ARFGEF1: variants seen among roughly 807,000 people sequenced by gnomAD.
ARFGEF1 encodes the protein ARF guanine nucleotide exchange factor 1, also known as brefeldin A-inhibited guanine nucleotide-exchange protein 1.
In ARFGEF1, 42 loss-of-function variants were observed where a neutral mutation model predicts 231.0. The ratio of observed to expected loss-of-function variants is 0.18; its 90% CI spans 0.14 to 0.24. The LOEUF (loss-of-function observed/expected upper bound fraction) is 0.24. Ranked by LOEUF, ARFGEF1 falls within the 10% of genes least tolerant of loss-of-function variation. The pLI, the probability that ARFGEF1 is intolerant of heterozygous loss-of-function variation, is 1.00. For synonymous variants in ARFGEF1, 710 were observed against 732.3 expected (o/e 0.97, Z 0.49); for missense variants, 1,345 against 2,192.0 (o/e 0.61, Z 7.72).
rs548357313 is a variant in ARFGEF1 at position 67,188,902 on chromosome 8, TC to T, written c.560+11493del. On this transcript the variant is annotated intron_variant, in intron 5 of 5. Coordinates refer to the ARFGEF1 transcript ENST00000518789. Reference sequence around the variant, plus strand: ...ACGGCTTCTAATAGAGCTTTAACATTCACCGCATGGCCCAAGATTCCATTCC... The same window carrying T: ...ACGGCTTCTAATAGAGCTTTAACATTACCGCATGGCCCAAGATTCCATTCC... 6.8e-4 allele frequency among the ~76,000 whole-genome samples: 104 copies of T among 152,292 alleles called. No individual in the cohort carries two copies. The South Asian group carries it at 7.2e-3, about 11-fold the overall frequency.
intron 1 of ARFGEF1, among the ~76,000 whole-genome samples, chr8:67,320,787 C>A (rs1807552686): frequency 6.6e-6 from 1 of 151,594 alleles, no homozygotes. Flanking sequence ...CATGGTGAAA[C>A]CCCGTCTCTA....
At position 67,234,552 on chromosome 8, in the gene ARFGEF1, T is replaced by C. The variant is rs1022593708; in HGVS notation, c.3290-1607A>G. ...AACTGTACATCATGTTTTCACATAC[T>C]TGGTAGTATAGCCATAATGAAGGAT... On this transcript the variant is annotated intron_variant, in intron 22 of 38. Transcript: ENST00000262215. 2.0e-5 allele frequency among the ~76,000 whole-genome samples: 3 copies of C among 152,096 alleles called. No individual in the cohort carries two copies. In the South Asian group the frequency reaches 6.2e-4, roughly 31 times the overall value.
downstream of ARFGEF1, among the ~76,000 whole-genome samples, chr8:67,196,417 G>C (rs1837949784): frequency 6.6e-6 from 1 of 152,126 alleles, no homozygotes; most frequent in South Asian, 2.1e-4. Context: ...TAATCACTCA[G>C]TAAGTGATAC....
At chr8:67,310,498 G>C (rs542008745) in intron 1 of ARFGEF1, among the ~76,000 whole-genome samples, 2,463 of 152,282 alleles carry the variant, frequency 0.016, 72 homozygotes, top group African/African-American at 0.057. Flanking sequence ...GCCGAGATTG[G>C]AGCCTCTGCC....
In ARFGEF1 at chr8:67,228,642, T is replaced by C. The variant is rs151259529; in HGVS notation, c.3381-378A>G. 6.4e-3 allele frequency among the ~76,000 whole-genome samples: 975 copies of C among 152,210 alleles called. 7 individuals carry two copies. The highest frequency in any genetic ancestry group is 0.022 in the African/African-American group (935 of 41,560). On this transcript the variant is annotated intron_variant, in intron 23 of 38. Coordinates refer to ENST00000262215, the MANE Select transcript of ARFGEF1 (RefSeq NM_006421.5). ...TGATTATTGTCTAGCATTAAGCAAG[T>C]TCTTAAAATGAAAAATTTGACGTAT... is the stretch of plus-strand genomic sequence containing the variant.
chr8:67,341,425 C>CAAAAAAAAAAA (rs1186065653), intron 1 of ARFGEF1, among the ~76,000 whole-genome samples: 1 of 87,946 alleles, frequency 1.1e-5, no homozygotes. Flanking sequence ...CCATCTCCAC[C>CAAAAAAAAAAA]AAAAAAAAAA....
At position 67,280,794 on chromosome 8, in the gene ARFGEF1, C is replaced by T. The variant is rs552947557; in HGVS notation, c.1028-3337G>A. Among the ~76,000 whole-genome samples, 5 of 152,188 alleles carry T rather than the reference C, an allele frequency of 3.3e-5. No homozygotes were observed. In the South Asian group the frequency reaches 8.3e-4, roughly 25 times the overall value. On this transcript the variant is annotated intron_variant, in intron 7 of 38. Transcript: ENST00000262215. ...CCTCATGAATTTTGGAAAGGAAGGC[C>T]TCACAAGAAATAGAAAAAACATATA... is the stretch of plus-strand genomic sequence containing the variant.
intron 1 of ARFGEF1, among the ~76,000 whole-genome samples, chr8:67,313,164 G>A (rs1388153793): frequency 6.6e-6 from 1 of 152,212 alleles, no homozygotes; most frequent in Non-Finnish European, 1.5e-5. Context: ...GGGAGGCTGA[G>A]CCAGGAAGAT....
intron 34 of ARFGEF1, among the ~76,000 whole-genome samples, chr8:67,205,857 C>CAAAA (rs912690891): frequency 2.8e-5 from 4 of 141,884 alleles, no homozygotes; most frequent in East Asian, 4.0e-4. Context: ...GACTCCGTCT[C>CAAAA]AAAAAAATAA....
chr8:67,328,874 G>T (rs1029289602), intron 1 of ARFGEF1, among the ~76,000 whole-genome samples: 4 of 152,160 alleles, frequency 2.6e-5, no homozygotes, highest in African/African-American at 9.7e-5. Context: ...AATCCGGTAG[G>T]AAATTAACGT....
chr8:67,283,793 T>C (rs1023788140), intron 7 of ARFGEF1, among the ~76,000 whole-genome samples: 4 of 152,164 alleles, frequency 2.6e-5, no homozygotes, highest in African/African-American at 9.6e-5. Context: ...CTGAGATACA[T>C]TTCTCACCTA....
intron 23 of ARFGEF1, among the ~76,000 whole-genome samples, chr8:67,228,738 T>C (rs1587088692): frequency 1.3e-5 from 2 of 152,164 alleles, no homozygotes; most frequent in Admixed American, 1.3e-4. Context: ...ACCTTGCAAA[T>C]AGTCTCAGTT....
chr8:67,267,958 T>TGTA (rs1804917482), intron 10 of ARFGEF1, among the ~76,000 whole-genome samples: 3 of 152,200 alleles, frequency 2.0e-5, no homozygotes, highest in African/African-American at 7.2e-5. Flanking sequence ...AAATCTCTAC[T>TGTA]GTTTGAAAAC....
At chr8:67,271,051 G>GAAAAA (rs1407925313) in intron 10 of ARFGEF1, among the ~76,000 whole-genome samples, 2 of 100,788 alleles carry the variant, frequency 2.0e-5, no homozygotes, top group African/African-American at 3.8e-5. Context: ...AAAGGAAAAA[G>GAAAAA]AAAAAAAAAA....
chr8:67,194,564 A>G (rs541296807), downstream of ARFGEF1, among the ~76,000 whole-genome samples: 3 of 152,306 alleles, frequency 2.0e-5, no homozygotes, highest in African/African-American at 7.2e-5. Context: ...ATAGCATTTT[A>G]AGAATCTTTT....
At chr8:67,234,704 C>T (rs1172800005) in intron 22 of ARFGEF1, among the ~76,000 whole-genome samples, 1 of 151,992 alleles carries the variant, frequency 6.6e-6, no homozygotes, top group Non-Finnish European at 1.5e-5. Context: ...AACAGGGATC[C>T]GTTAGGTCTT....
Position 67,238,997 on chromosome 8 carries a change from T to C in ARFGEF1, c.2980-104A>G, listed in dbSNP as rs560403728. ...ACTTGTTCAGTAAGATTTTGTTTTT[T>C]TTTTTTTTAATTTATTTATTAATTT... is the stretch of plus-strand genomic sequence containing the variant. On this transcript the variant is annotated intron_variant, in intron 20 of 38. Coordinates refer to ENST00000262215, the MANE Select transcript of ARFGEF1 (RefSeq NM_006421.5). 45 of 949,102 alleles carry C rather than the reference T, an allele frequency of 4.7e-5. No homozygotes were observed. The Admixed American group carries it at 1.1e-3, about 24-fold the overall frequency. 58.8% of individuals were successfully genotyped at this position (949,102 alleles called of 1,614,324 possible). A position where few individuals can be genotyped will look rare whatever the true frequency, so the allele number is the denominator to read the frequency against.
At chr8:67,341,639 A>G (rs957180621) in intron 1 of ARFGEF1, among the ~76,000 whole-genome samples, 1 of 152,088 alleles carries the variant, frequency 6.6e-6, no homozygotes, top group Non-Finnish European at 1.5e-5. Flanking sequence ...GAATCTCTCT[A>G]AAGTTCTTCA....
intron 6 of ARFGEF1, among the ~76,000 whole-genome samples, chr8:67,291,362 T>C (rs898945508): frequency 6.6e-6 from 1 of 151,864 alleles, no homozygotes; most frequent in East Asian, 1.9e-4. Flanking sequence ...TTTTAAAAAA[T>C]GAAAATTTCT....
Sources: gnomAD v4.1 joint callset for allele counts (sites outside exome capture counted in the v4.1 genomes callset) on GRCh38, gnomAD v4.1.1 for gene constraint, MANE v1.5 for transcripts, NCBI Gene and HGNC (gene_info 2026-07-23, HGNC 2026-07-21) for gene names.